The following NUBPL variants were observed in gnomAD, a reference collection of about 807,000 sequenced individuals.
NUBPL encodes NUBP iron-sulfur cluster assembly factor, mitochondrial, also known as iron-sulfur cluster transfer protein NUBPL.
NUBPL carries 31 observed loss-of-function variants against 45.7 expected under a neutral mutation model. That is an observed-to-expected ratio of 0.68 (90% CI 0.51 to 0.92). NUBPL has a LOEUF of 0.92. Ranked by LOEUF, NUBPL falls within the 40% of genes least tolerant of loss-of-function variation. The pLI, the probability that NUBPL is intolerant of heterozygous loss-of-function variation, is 0.00. For synonymous variants in NUBPL, 144 were observed against 140.9 expected (o/e 1.02, Z -0.15); for missense variants, 401 against 398.7 (o/e 1.01, Z -0.05).
chr14:31,768,594 C>T (rs924225843), intron 6 of NUBPL, among the ~76,000 whole-genome samples: 1 of 152,180 alleles, frequency 6.6e-6, no homozygotes, highest in African/African-American at 2.4e-5. Context: ...ACCCCCAGTA[C>T]TGAGACAGGT....
intron 6 of NUBPL, among the ~76,000 whole-genome samples, chr14:31,750,283 T>C (rs1281018976): frequency 6.6e-6 from 1 of 150,666 alleles, no homozygotes; most frequent in Non-Finnish European, 1.5e-5. Context: ...CACGCCATTC[T>C]CCTGCCTCAG....
chr14:31,661,103 G>A (rs2036257641), intron 4 of NUBPL, among the ~76,000 whole-genome samples: 1 of 152,196 alleles, frequency 6.6e-6, no homozygotes, highest in East Asian at 1.9e-4. Flanking sequence ...ACATACAAAA[G>A]ATTAATTAAA....
At chr14:31,761,107 T>C (rs1046933979) in intron 6 of NUBPL, among the ~76,000 whole-genome samples, 5 of 152,182 alleles carry the variant, frequency 3.3e-5, no homozygotes, top group African/African-American at 1.2e-4. Context: ...GTGTGAAAAA[T>C]GTTTTCAGCA....
intron 4 of NUBPL, among the ~76,000 whole-genome samples, chr14:31,663,305 G>A (rs183161943): frequency 6.6e-6 from 1 of 152,280 alleles, no homozygotes; most frequent in African/African-American, 2.4e-5. Context: ...TAGTCATGAA[G>A]TCTTTGCCCA....
chr14:31,710,886 A>T (rs558028056), intron 6 of NUBPL, among the ~76,000 whole-genome samples: 2 of 152,206 alleles, frequency 1.3e-5, no homozygotes, highest in Non-Finnish European at 1.5e-5. Flanking sequence ...GGGAAAAATT[A>T]TGTCTTTCTG....
At chr14:31,562,006 TAC>T in intron 1 of NUBPL, 60 bp from the exon 2 acceptor site, 1 of 1,521,620 alleles carries the variant, frequency 6.6e-7, no homozygotes, top group Non-Finnish European at 8.9e-7. Context: ...TTTTTGCTTT[TAC>T]AGTGTGATGA....
intron 6 of NUBPL, among the ~76,000 whole-genome samples, chr14:31,729,602 CT>C (rs2038006079): frequency 6.6e-6 from 1 of 151,734 alleles, no homozygotes; most frequent in Non-Finnish European, 1.5e-5. Flanking sequence ...ATCTTTTTGC[CT>C]TTATATGTAT....
At chr14:31,769,664 A>T (rs1034671117) in intron 6 of NUBPL, among the ~76,000 whole-genome samples, 6 of 150,908 alleles carry the variant, frequency 4.0e-5, no homozygotes, top group South Asian at 2.1e-4. Context: ...CTTTTTTTTA[A>T]AAAAAAAAGC....
At chr14:31,615,036 T>A (rs2034860754) in intron 4 of NUBPL, among the ~76,000 whole-genome samples, 1 of 152,164 alleles carries the variant, frequency 6.6e-6, no homozygotes, top group Non-Finnish European at 1.5e-5. Context: ...CACCCCAATG[T>A]CATGTTGAAT....
chr14:31,655,811 C>T (rs2036127619), intron 4 of NUBPL, among the ~76,000 whole-genome samples: 1 of 152,146 alleles, frequency 6.6e-6, no homozygotes, highest in African/African-American at 2.4e-5. Flanking sequence ...TTTTTGAGAG[C>T]CCTTGTATTT....
At chr14:31,775,672 T>C (rs2039086342) in intron 6 of NUBPL, among the ~76,000 whole-genome samples, 1 of 152,170 alleles carries the variant, frequency 6.6e-6, no homozygotes, top group Non-Finnish European at 1.5e-5. Flanking sequence ...ACATATTTGA[T>C]TTCCTGGCTA....
At chr14:31,610,058 A>G (rs2034709295) in intron 4 of NUBPL, among the ~76,000 whole-genome samples, 2 of 152,172 alleles carry the variant, frequency 1.3e-5, no homozygotes, top group South Asian at 2.1e-4. Flanking sequence ...AAGAAAAGAC[A>G]TAATAAAGAT....
At chr14:31,803,288 TA>T (rs1480648616) in intron 7 of NUBPL, among the ~76,000 whole-genome samples, 1 of 152,222 alleles carries the variant, frequency 6.6e-6, no homozygotes, top group Non-Finnish European at 1.5e-5. Context: ...TAAAATCTTT[TA>T]TTTTTTTAAA....
intron 6 of NUBPL, among the ~76,000 whole-genome samples, chr14:31,708,720 G>A (rs935426183): frequency 1.3e-5 from 2 of 152,156 alleles, no homozygotes; most frequent in African/African-American, 4.8e-5. Context: ...ATGGTTAAAG[G>A]TACCTGGGGC....
intron 5 of NUBPL, 24 bp downstream of exon 5, chr14:31,673,418 G>C: frequency 6.2e-7 from 1 of 1,605,982 alleles, no homozygotes; most frequent in Non-Finnish European, 8.5e-7. Flanking sequence ...TATTTTTAAT[G>C]TTACTTTTCA....
At chr14:31,630,300 CTTAGT>C (rs1048988956) in intron 4 of NUBPL, among the ~76,000 whole-genome samples, 13 of 152,102 alleles carry the variant, frequency 8.5e-5, no homozygotes, top group African/African-American at 2.9e-4. Flanking sequence ...CTCTCAAAGC[CTTAGT>C]TTATTTATCT....
At chr14:31,646,773 A>C (rs1056254196) in intron 4 of NUBPL, among the ~76,000 whole-genome samples, 10 of 150,918 alleles carry the variant, frequency 6.6e-5, no homozygotes, top group African/African-American at 2.4e-4. Flanking sequence ...GGAATGTTTA[A>C]TTTTTTAAAA....
intron 6 of NUBPL, among the ~76,000 whole-genome samples, chr14:31,701,582 G>A (rs995123252): frequency 2.0e-5 from 3 of 152,134 alleles, no homozygotes; most frequent in Non-Finnish European, 2.9e-5. Flanking sequence ...CACTCACTGC[G>A]AAGGTCTGCA....
chr14:31,748,042 A>T (rs934265028), intron 6 of NUBPL, among the ~76,000 whole-genome samples: 11 of 151,596 alleles, frequency 7.3e-5, no homozygotes, highest in Non-Finnish European at 1.5e-4. Flanking sequence ...TTCCTTTTTA[A>T]TTTTTTCGTT....
Sources: allele counts gnomAD v4.1 joint callset (sites outside exome capture counted in the v4.1 genomes callset), GRCh38; gene constraint gnomAD v4.1.1; transcripts MANE v1.5; gene names NCBI Gene and HGNC (gene_info 2026-07-23, HGNC 2026-07-21).